Variants in DLG2 observed in about 807,000 individuals in gnomAD.
DLG2 encodes disks large homolog 2.
DLG2 carries 45 observed loss-of-function variants against 132.5 expected under a neutral mutation model. The observed-to-expected ratio is 0.34, with a 90% CI of 0.27 to 0.44. The LOEUF is 0.44. DLG2 is among the 20% of genes least tolerant of loss of function. DLG2 has a pLI of 1.00. For missense variants in DLG2, 1,045 were observed against 1,196.9 expected, an observed-to-expected ratio of 0.87 and a Z score of 1.87; for synonymous variants, 424 against 419.6, an observed-to-expected ratio of 1.01 and a Z score of -0.13.
At chr11:83,467,771 G>GTATATATATATATA (rs1192401405) in intron 25 of DLG2, among the ~76,000 whole-genome samples, 32 of 85,030 alleles carry the variant, frequency 3.8e-4, no homozygotes, top group East Asian at 1.5e-3. Context: ...AAAACTATAT[G>GTATATATATATATA]TATATATATA....
intron 5 of DLG2, among the ~76,000 whole-genome samples, chr11:85,126,653 C>T (rs1181365663): frequency 1.3e-5 from 2 of 152,036 alleles, no homozygotes; most frequent in African/African-American, 4.8e-5. Flanking sequence ...CCCACGTAGA[C>T]ATGCCACCTT....
intron 19 of DLG2, among the ~76,000 whole-genome samples, chr11:83,564,337 G>C (rs2096665020): frequency 6.6e-6 from 1 of 152,098 alleles, no homozygotes; most frequent in Non-Finnish European, 1.5e-5. Flanking sequence ...CAGTGCACTG[G>C]AATGGGGGGG....
At chr11:83,785,019 A>C (rs894373327) in intron 18 of DLG2, among the ~76,000 whole-genome samples, 4 of 152,114 alleles carry the variant, frequency 2.6e-5, no homozygotes, top group Non-Finnish European at 5.9e-5. Flanking sequence ...TTCAAATGGT[A>C]CCAGCATATA....
intron 8 of DLG2, among the ~76,000 whole-genome samples, chr11:84,180,367 C>T (rs34450319): frequency 0.12 from 17,481 of 151,860 alleles, 1,736 homozygotes; most frequent in African/African-American, 0.27. Flanking sequence ...CAATAGAGAA[C>T]ATTTAAGAAA....
chr11:83,950,712 C>G (rs1218700455), intron 14 of DLG2, among the ~76,000 whole-genome samples: 1 of 152,162 alleles, frequency 6.6e-6, no homozygotes, highest in African/African-American at 2.4e-5. Flanking sequence ...ATACCCTGGA[C>G]CCTACTGAAG....
chr11:85,494,752 A>T (rs2153112327), intron 3 of DLG2, among the ~76,000 whole-genome samples: 1 of 152,254 alleles, frequency 6.6e-6, no homozygotes, highest in Middle Eastern at 3.4e-3. Flanking sequence ...GCTTTAAAAG[A>T]AAGTTAAGAC....
At chr11:85,511,992 A>G (rs1047949395) in intron 3 of DLG2, among the ~76,000 whole-genome samples, 1 of 152,076 alleles carries the variant, frequency 6.6e-6, no homozygotes, top group South Asian at 2.1e-4. Flanking sequence ...TGTTCATACC[A>G]ATGTGAAAAA....
chr11:85,220,488 G>A (rs1192405338), intron 4 of DLG2, among the ~76,000 whole-genome samples: 3 of 151,878 alleles, frequency 2.0e-5, no homozygotes, highest in African/African-American at 7.3e-5. Flanking sequence ...GGGCCTGGGG[G>A]GTAATGGAGG....
chr11:83,848,130 T>G (rs1276602658), intron 16 of DLG2, among the ~76,000 whole-genome samples: 9 of 151,342 alleles, frequency 5.9e-5, no homozygotes, highest in Admixed American at 5.9e-4. Context: ...ACACCTTTTT[T>G]TTTTTTTTTT....
intron 2 of DLG2, among the ~76,000 whole-genome samples, chr11:85,614,317 GTT>G (rs771726799): frequency 0.049 from 7,318 of 148,486 alleles, 557 homozygotes; most frequent in African/African-American, 0.17. Context: ...CTTGAACCAG[GTT>G]TTTTTTTTTT....
At chr11:84,358,584 AACTCTATTAACC>A (rs957117923) in intron 7 of DLG2, among the ~76,000 whole-genome samples, 5 of 151,754 alleles carry the variant, frequency 3.3e-5, no homozygotes, top group African/African-American at 1.2e-4. Flanking sequence ...TTGGAAAAAT[AACTCTATTAACC>A]ACCCAGGAAC....
intron 6 of DLG2, among the ~76,000 whole-genome samples, chr11:84,688,981 T>A (rs1011452497): frequency 3.3e-5 from 5 of 152,182 alleles, no homozygotes; most frequent in African/African-American, 7.2e-5. Flanking sequence ...CTTTAGAATG[T>A]GGGAGAGGCC....
At chr11:83,723,362 A>G (rs1263388461) in intron 18 of DLG2, among the ~76,000 whole-genome samples, 1 of 152,122 alleles carries the variant, frequency 6.6e-6, no homozygotes, top group Non-Finnish European at 1.5e-5. Flanking sequence ...CCTGGGCAAC[A>G]GAGTGAAACT....
intron 7 of DLG2, among the ~76,000 whole-genome samples, chr11:84,501,985 G>A (rs1034502626): frequency 2.6e-5 from 4 of 151,992 alleles, no homozygotes; most frequent in African/African-American, 9.7e-5. Flanking sequence ...CCACTTTGCA[G>A]TTTCATCTGT....
intron 6 of DLG2, among the ~76,000 whole-genome samples, chr11:85,059,007 T>C (rs547438906): frequency 1.3e-5 from 2 of 151,440 alleles, no homozygotes; most frequent in South Asian, 2.1e-4. Flanking sequence ...GAATGATAAA[T>C]TGGACAAAAT....
intron 3 of DLG2, among the ~76,000 whole-genome samples, chr11:85,357,498 A>C (rs2083799138): frequency 6.8e-6 from 1 of 147,224 alleles, no homozygotes; most frequent in Non-Finnish European, 1.5e-5. Context: ...TCCTTTAAGT[A>C]GTTGGAGGTG....
intron 6 of DLG2, among the ~76,000 whole-genome samples, chr11:84,862,306 A>G (rs1431535478): frequency 6.6e-6 from 1 of 152,218 alleles, no homozygotes; most frequent in Non-Finnish European, 1.5e-5. Context: ...TGATCATTAT[A>G]AAGTCAGGAA....
chr11:83,829,197 C>CTTT (rs5793089), intron 17 of DLG2, among the ~76,000 whole-genome samples: 2 of 119,352 alleles, frequency 1.7e-5, no homozygotes, highest in African/African-American at 3.2e-5. Context: ...TTTTATTTAG[C>CTTT]TTTTTTTTTT....
chr11:84,067,386 T>A (rs933342266), intron 10 of DLG2, among the ~76,000 whole-genome samples: 1 of 152,034 alleles, frequency 6.6e-6, no homozygotes, highest in Non-Finnish European at 1.5e-5. Context: ...AAGGAATAAT[T>A]CCACACATTT....
Sources: allele counts gnomAD v4.1 joint callset (sites outside exome capture counted in the v4.1 genomes callset), GRCh38; gene constraint gnomAD v4.1.1; transcripts MANE v1.5; gene names NCBI Gene and HGNC (gene_info 2026-07-23, HGNC 2026-07-21).